The following GUCY1A1 variants were observed in gnomAD, a reference collection of about 807,000 sequenced individuals.
The protein encoded by GUCY1A1 is guanylate cyclase soluble subunit alpha-1.
In GUCY1A1, 48 loss-of-function variants were observed where a neutral mutation model predicts 64.5. The ratio of observed to expected loss-of-function variants is 0.74; its 90% confidence interval spans 0.59 to 0.95. GUCY1A1 has a LOEUF of 0.95. GUCY1A1 is among the 40% of genes least tolerant of loss of function. GUCY1A1 has a pLI of 0.00. For missense variants in GUCY1A1, 804 were observed against 825.3 expected (o/e 0.97, Z 0.32); for synonymous variants, 308 against 303.4 (o/e 1.02, Z -0.16).
intron 9 of GUCY1A1, among the ~76,000 whole-genome samples, chr4:155,723,642 T>G (rs1035138479): frequency 1.4e-5 from 2 of 143,210 alleles, no homozygotes; most frequent in African/African-American, 5.7e-5. Flanking sequence ...ATTTATTTAT[T>G]TATTTATTTA....
At position 155,669,726 on chromosome 4, in the gene GUCY1A1, T is replaced by C. The variant is rs554142469; in HGVS notation, c.-113+2307T>C. 2.0e-5 allele frequency among the ~76,000 whole-genome samples: 3 copies of C among 152,254 alleles called. No individual in the cohort carries two copies. The South Asian group carries it at 6.2e-4, about 32-fold the overall frequency. On this transcript the variant is annotated intron_variant, in intron 2 of 9. Transcript: ENST00000506455. ...TAAGAATTTTGTTATATTTTTCAAA[T>C]GAAATTGAAAAAAATTAAATGTTTA...
chr4:155,679,381 T>C (rs747647449), intron 2 of GUCY1A1, among the ~76,000 whole-genome samples: 1 of 152,246 alleles, frequency 6.6e-6, no homozygotes, highest in Non-Finnish European at 1.5e-5. Context: ...TGGCTCAATG[T>C]TCTGCAGGCT....
chr4:155,705,346 C>T (rs1268504794), intron 4 of GUCY1A1, among the ~76,000 whole-genome samples: 1 of 151,890 alleles, frequency 6.6e-6, no homozygotes, highest in Non-Finnish European at 1.5e-5. Context: ...GTCAGGAGTT[C>T]GAGACCAGAC....
intron 2 of GUCY1A1, among the ~76,000 whole-genome samples, chr4:155,694,428 T>A (rs1288336308): frequency 6.6e-6 from 1 of 152,086 alleles, no homozygotes; most frequent in Admixed American, 6.6e-5. Context: ...CAACCAAAAC[T>A]GGACCTGCGT....
intron 2 of GUCY1A1, among the ~76,000 whole-genome samples, chr4:155,696,327 T>C (rs1579050665): frequency 1.3e-5 from 2 of 152,114 alleles, no homozygotes; most frequent in East Asian, 3.9e-4. Context: ...AAGCCATTGG[T>C]TTTTACTGTT....
rs1735672434 is a variant in GUCY1A1 at position 155,732,576 on chromosome 4, C to T, written c.*2345C>T. Among the ~76,000 whole-genome samples the T allele has an allele frequency of 6.6e-6, 1 of 151,802 alleles. No individual in the cohort carries two copies. The highest frequency in any genetic ancestry group is 2.4e-5 in the African/African-American group (1 of 41,362). On this transcript the variant is annotated 3_prime_UTR_variant, in exon 10 of 10. Transcript: ENST00000506455. ...CGATTAGCGAGAAACTTTTCAGATC[C>T]AGACCACTGATGGTAGCCAGAGTAG...
chr4:155,672,013 C>A (rs2705435), intron 2 of GUCY1A1, among the ~76,000 whole-genome samples: 2 of 125,768 alleles, frequency 1.6e-5, no homozygotes, highest in South Asian at 5.2e-4. Context: ...ACTCTTCCCC[C>A]CTCCGTTTTT....
chr4:155,680,620 C>T (rs1735597433), intron 2 of GUCY1A1, among the ~76,000 whole-genome samples: 1 of 151,914 alleles, frequency 6.6e-6, no homozygotes, highest in Non-Finnish European at 1.5e-5. Context: ...GGAAGCTTTA[C>T]CGATAACATA....
chr4:155,675,118 C>G (rs1734723820), intron 2 of GUCY1A1, among the ~76,000 whole-genome samples: 1 of 151,568 alleles, frequency 6.6e-6, no homozygotes, highest in Non-Finnish European at 1.5e-5. Context: ...TGGCACGTGA[C>G]AGTATATGCA....
chr4:155,698,408 G>C (rs1730684048), intron 3 of GUCY1A1, among the ~76,000 whole-genome samples: 2 of 152,134 alleles, frequency 1.3e-5, no homozygotes, highest in African/African-American at 4.8e-5. Flanking sequence ...CCCTCCTCAG[G>C]GAGTTGGTTT....
chr4:155,711,597 A>G (rs1732583799), intron 6 of GUCY1A1, among the ~76,000 whole-genome samples: 1 of 152,248 alleles, frequency 6.6e-6, no homozygotes, highest in African/African-American at 2.4e-5. Context: ...TACAACAAAC[A>G]AAAGTCACTT....
intron 2 of GUCY1A1, among the ~76,000 whole-genome samples, chr4:155,695,577 CAT>C (rs1307889300): frequency 6.6e-6 from 1 of 152,170 alleles, no homozygotes; most frequent in Non-Finnish European, 1.5e-5. Flanking sequence ...ATAGAAAACA[CAT>C]TGGCTTTGGA....
At chr4:155,692,001 C>T (rs1055996714) in intron 2 of GUCY1A1, among the ~76,000 whole-genome samples, 8 of 152,004 alleles carry the variant, frequency 5.3e-5, no homozygotes, top group African/African-American at 1.4e-4. Context: ...TGTGTCCATG[C>T]GTTCTCATTG....
At position 155,713,535 on chromosome 4, in the gene GUCY1A1, A is replaced by G; in HGVS notation, c.1524A>G (p.Ala508=). 1 of 1,614,034 alleles carries G rather than the reference A, an allele frequency of 6.2e-7. No individual in the cohort carries two copies. The change falls in exon 7 of 10, where the codon GCA becomes GCG. Residue 508 remains alanine, a synonymous_variant. Coordinates refer to ENST00000506455, the MANE Select transcript of GUCY1A1 (RefSeq NM_001130682.3). ...SPLQVITMLN[A]LYTRFDQQCG... ...TGCAGGTCATCACCATGCTCAATGC[A>G]CTGTACACTCGCTTCGACCAGCAGT...
rs769777223 is a variant in GUCY1A1, at chr4:155,713,482, A to T, written c.1471A>T (p.Thr491Ser). 1 of 1,614,160 alleles carries T rather than the reference A, an allele frequency of 6.2e-7. No individual in the cohort carries two copies. The highest frequency in any genetic ancestry group is 8.5e-7 in the Non-Finnish European group (1 of 1,180,016). ...TMLFSDIVGFTAICSQCSPLQ... is the reference protein window; with the variant it reads ...TMLFSDIVGFSAICSQCSPLQ... Reference sequence around the variant, plus strand: ...GCTCTTCTCAGACATCGTTGGGTTCACTGCCATCTGCTCCCAGTGCTCACC... The same window carrying T: ...GCTCTTCTCAGACATCGTTGGGTTCTCTGCCATCTGCTCCCAGTGCTCACC... The change falls in exon 7 of 10, where the codon ACT becomes TCT. Residue 491 changes from threonine (T) to serine (S), a missense_variant. Transcript: ENST00000506455.
At chr4:155,729,878 A>G (rs1463741219) in intron 9 of GUCY1A1, 152 bp from the exon 10 acceptor site, 4 of 569,382 alleles carry the variant, frequency 7.0e-6, no homozygotes, top group Non-Finnish European at 1.3e-5. Flanking sequence ...TACTTCTGGG[A>G]AGATGTCTGT....
rs1195002451 is a variant in GUCY1A1 at position 155,710,657 on chromosome 4, C to T, written c.492C>T (p.Asn164=). The T allele has an allele frequency of 1.2e-6, 2 of 1,613,674 alleles. No homozygotes were observed. Among genetic ancestry groups the T allele is most frequent in the African/African-American group, 1.3e-5 (1 of 74,866 alleles). The change falls in exon 6 of 10, where the codon AAC becomes AAT. Residue 164 remains asparagine (N), a synonymous_variant. Coordinates refer to ENST00000506455, the MANE Select transcript of GUCY1A1 (RefSeq NM_001130682.3). ...VVGGTLKDFL[N]SFSTLLKQSS... The stretch of plus-strand genomic sequence containing the variant: ...GAGGCACCCTTAAAGATTTTTTAAA[C>T]AGCTTCAGTACCCTTCTGAAACAGA...
intron 2 of GUCY1A1, among the ~76,000 whole-genome samples, chr4:155,686,195 G>T (rs954561800): frequency 2.6e-5 from 4 of 152,166 alleles, no homozygotes; most frequent in African/African-American, 7.2e-5. Context: ...AGAATTATTG[G>T]CCAGGCGTGA....
intron 2 of GUCY1A1, among the ~76,000 whole-genome samples, chr4:155,675,791 T>C (rs1734821903): frequency 6.6e-6 from 1 of 151,626 alleles, no homozygotes; most frequent in Non-Finnish European, 1.5e-5. Flanking sequence ...AAGTCACTGC[T>C]TTTCTTCTCT....
Sources: allele counts gnomAD v4.1 joint callset (sites outside exome capture counted in the v4.1 genomes callset), GRCh38; gene constraint gnomAD v4.1.1; transcripts MANE v1.5; gene names NCBI Gene and HGNC (gene_info 2026-07-23, HGNC 2026-07-21).